Variants in DPP10 observed in about 807,000 individuals in gnomAD.
DPP10 encodes inactive dipeptidyl peptidase 10.
In DPP10, 33 loss-of-function variants were observed where a neutral mutation model predicts 120.9. That is an observed-to-expected ratio of 0.27 (90% CI 0.21 to 0.37). The LOEUF is 0.37. DPP10 is among the 10% of genes least tolerant of loss of function. DPP10 has a pLI of 1.00. For missense variants in DPP10, 816 were observed against 942.8 expected (o/e 0.87, Z 1.76); for synonymous variants, 337 against 326.1 (o/e 1.03, Z -0.36).
intron 5 of DPP10, among the ~76,000 whole-genome samples, chr2:115,618,887 A>G (rs956549248): frequency 1.1e-4 from 16 of 151,656 alleles, no homozygotes; most frequent in Admixed American, 5.3e-4. Context: ...CTGATTTCTT[A>G]TAATTTTCTA....
At chr2:114,863,381 A>T (rs895415278) in intron 1 of DPP10, among the ~76,000 whole-genome samples, 1 of 152,202 alleles carries the variant, frequency 6.6e-6, no homozygotes, top group Non-Finnish European at 1.5e-5. Flanking sequence ...AGAGTCGATC[A>T]AAAGTAAAGT....
At chr2:115,648,997 C>T (rs555265094) in intron 5 of DPP10, among the ~76,000 whole-genome samples, 59 of 152,190 alleles carry the variant, frequency 3.9e-4, no homozygotes, top group African/African-American at 1.4e-3. Flanking sequence ...GTACTGGAAA[C>T]AAACTGAGTG....
intron 3 of DPP10, among the ~76,000 whole-genome samples, chr2:115,466,504 T>G (rs1203287555): frequency 6.6e-6 from 1 of 152,190 alleles, no homozygotes; most frequent in African/African-American, 2.4e-5. Flanking sequence ...TGGTGATTAT[T>G]GCCAAAACTT....
chr2:115,514,896 A>T (rs1326043689), intron 4 of DPP10, among the ~76,000 whole-genome samples: 4 of 151,974 alleles, frequency 2.6e-5, no homozygotes, highest in Admixed American at 2.6e-4. Flanking sequence ...CTACAGAAAT[A>T]TGTTTGTATA....
intron 1 of DPP10, among the ~76,000 whole-genome samples, chr2:114,910,412 T>G (rs762008214): frequency 1.5e-4 from 23 of 151,984 alleles, no homozygotes; most frequent in Non-Finnish European, 2.8e-4. Flanking sequence ...ATAGAATTTT[T>G]AGACTTTAAA....
chr2:115,060,766 C>A (rs1305520070), intron 1 of DPP10, among the ~76,000 whole-genome samples: 1 of 152,128 alleles, frequency 6.6e-6, no homozygotes, highest in African/African-American at 2.4e-5. Flanking sequence ...CCCCTTCTCC[C>A]TTTATCCTGG....
At chr2:115,363,464 G>C (rs1368872721) in intron 3 of DPP10, among the ~76,000 whole-genome samples, 3 of 152,116 alleles carry the variant, frequency 2.0e-5, no homozygotes, top group Non-Finnish European at 1.5e-5. Context: ...GTTCTCTAAG[G>C]CCCAACCAAC....
intron 1 of DPP10, among the ~76,000 whole-genome samples, chr2:114,914,519 A>G (rs1275585028): frequency 6.6e-6 from 1 of 152,214 alleles, no homozygotes; most frequent in East Asian, 1.9e-4. Flanking sequence ...TACGGAATTT[A>G]TTACCACCAC....
intron 1 of DPP10, among the ~76,000 whole-genome samples, chr2:114,505,991 A>G (rs1573516927): frequency 1.3e-5 from 2 of 152,370 alleles, no homozygotes; most frequent in African/African-American, 2.4e-5. Flanking sequence ...AACTCATTAA[A>G]TACTTTGTGA....
At chr2:115,303,074 A>C (rs544865402) in intron 1 of DPP10, among the ~76,000 whole-genome samples, 98 of 152,032 alleles carry the variant, frequency 6.4e-4, no homozygotes, top group Non-Finnish European at 1.2e-3. Context: ...TTTGTTATTT[A>C]TACTAAACTC....
chr2:115,118,366 C>T (rs2049637718), intron 1 of DPP10, among the ~76,000 whole-genome samples: 1 of 152,206 alleles, frequency 6.6e-6, no homozygotes, highest in Admixed American at 6.5e-5. Flanking sequence ...TGCCAGCTTT[C>T]AAGTCAGACT....
intron 1 of DPP10, among the ~76,000 whole-genome samples, chr2:114,882,626 C>T (rs900743564): frequency 9.2e-5 from 14 of 152,108 alleles, no homozygotes; most frequent in East Asian, 5.8e-4. Flanking sequence ...CTAAAATCAC[C>T]GCTAAAGAAC....
At position 115,309,331 on chromosome 2, in the gene DPP10, G is replaced by A. The variant is rs201507365; in HGVS notation, c.153G>A (p.Met51Ile). The change falls in exon 2 of 26, where the codon ATG becomes ATA. Residue 51 changes from methionine to isoleucine, a missense_variant. Physicochemically the swap from Met to Ile is conservative, Grantham distance 10. This residue lies in a region of DPP10 where 182 missense variants were observed against 207.4 expected (regional missense o/e 0.88). Coordinates refer to ENST00000410059, the MANE Select transcript of DPP10 (RefSeq NM_020868.6). ...VILVVCSLIT[M>I]SVILLTPDEL... ...TAGTTGTATGCTCACTCATCACTAT[G>A]TCAGTCATCCTCTTAACCCCAGGTA... is the stretch of plus-strand genomic sequence containing the variant. 8 of 1,613,290 alleles carry A rather than the reference G, an allele frequency of 5.0e-6. No individual in the cohort carries two copies. The African/African-American group carries it at 9.3e-5, about 19-fold the overall frequency.
rs114692213 is a variant in DPP10, at chr2:115,431,554, T to C, written c.272-67956T>C. The stretch of plus-strand genomic sequence containing the variant: ...AAAGCCAATGATCTCTGAGTGGGAA[T>C]TGACAAAAAAGCACCACTCTTTAGA... On this transcript the variant is annotated intron_variant, in intron 3 of 25. Transcript: ENST00000410059. 2.1e-3 allele frequency among the ~76,000 whole-genome samples: 321 copies of C among 152,196 alleles called. 1 individual carries two copies. Among genetic ancestry groups the C allele is most frequent in the African/African-American group, 7.1e-3 (293 of 41,532 alleles).
At chr2:114,638,573 T>A (rs1695474794) in intron 1 of DPP10, among the ~76,000 whole-genome samples, 1 of 151,828 alleles carries the variant, frequency 6.6e-6, no homozygotes. Flanking sequence ...AACCACAGTG[T>A]GATACCATCT....
chr2:114,957,846 C>T (rs755407994), intron 1 of DPP10, among the ~76,000 whole-genome samples: 5 of 152,066 alleles, frequency 3.3e-5, no homozygotes, highest in African/African-American at 4.8e-5. Flanking sequence ...GTGAAATAAG[C>T]CTGGCACAGG....
intron 1 of DPP10, among the ~76,000 whole-genome samples, chr2:115,302,934 G>T (rs1449039348): frequency 6.6e-6 from 1 of 152,066 alleles, no homozygotes; most frequent in Non-Finnish European, 1.5e-5. Flanking sequence ...AGTAGGCGGA[G>T]TAAGTATTAA....
chr2:114,802,304 T>A (rs1684321643), intron 1 of DPP10, among the ~76,000 whole-genome samples: 1 of 152,218 alleles, frequency 6.6e-6, no homozygotes, highest in Admixed American at 6.5e-5. Context: ...TTTATACTTT[T>A]AAAATATTTA....
chr2:114,984,136 A>G (rs935012261), intron 1 of DPP10, among the ~76,000 whole-genome samples: 1 of 152,204 alleles, frequency 6.6e-6, no homozygotes, highest in South Asian at 2.1e-4. Context: ...TATTTCTTTC[A>G]TAGTCTACAC....
Sources: allele counts gnomAD v4.1 joint callset (sites outside exome capture counted in the v4.1 genomes callset), GRCh38; gene constraint gnomAD v4.1.1; regional missense constraint gnomAD v4.1.1; transcripts MANE v1.5; gene names NCBI Gene and HGNC (gene_info 2026-07-23, HGNC 2026-07-21).